Variants in B4GALT6 observed in about 807,000 individuals in gnomAD.
The protein encoded by B4GALT6 is beta-1,4-galactosyltransferase 6, also known as UDP-Gal:beta-GlcNAc beta-1,4-galactosyltransferase 6.
B4GALT6 carries 14 observed loss-of-function variants against 46.3 expected under a neutral mutation model. That is an observed-to-expected ratio of 0.30 (90% CI 0.20 to 0.47). The LOEUF is 0.47. Ranked by LOEUF, B4GALT6 falls within the 20% of genes least tolerant of loss-of-function variation. The pLI is 0.99. For missense variants in B4GALT6, 386 were observed against 480.1 expected (o/e 0.80, Z 1.83); for synonymous variants, 168 against 162.0 (o/e 1.04, Z -0.28).
chr18:31,697,228 T>C, the B4GALT6 span, among the ~76,000 whole-genome samples: 3 of 152,020 alleles, frequency 2.0e-5, no homozygotes. Context: ...ATTGTGCCCC[T>C]GCATTCCAGA....
At chr18:31,701,253 A>ATCTGG in the B4GALT6 span, among the ~76,000 whole-genome samples, 2 of 151,976 alleles carry the variant, frequency 1.3e-5, no homozygotes, top group African/African-American at 4.8e-5. Flanking sequence ...TTATCACAAG[A>ATCTGG]TCTGGTTGTT....
At chr18:31,688,941 G>A (rs2030019845), upstream of B4GALT6, among the ~76,000 whole-genome samples, 1 of 151,954 alleles carries the variant, frequency 6.6e-6, no homozygotes, top group South Asian at 2.1e-4. Context: ...TCATTTTTTA[G>A]AAATAAATAT....
intron 3 of B4GALT6, among the ~76,000 whole-genome samples, chr18:31,654,521 A>ATATGAAAC (rs2074115072): frequency 6.6e-6 from 1 of 152,238 alleles, no homozygotes; most frequent in African/African-American, 2.4e-5. Context: ...CCACTATTGA[A>ATATGAAAC]TATGAAACAC....
chr18:31,654,176 A>T (rs2074110768), intron 3 of B4GALT6, among the ~76,000 whole-genome samples: 1 of 152,232 alleles, frequency 6.6e-6, no homozygotes, highest in Admixed American at 6.5e-5. Flanking sequence ...CTGCAAACGT[A>T]TTCTATTTGA....
rs8090189 is a variant in B4GALT6, at chr18:31,662,982, A to C, written c.232+3274T>G. On this transcript the variant is annotated intron_variant, in intron 2 of 8. Coordinates refer to ENST00000306851, the MANE Select transcript of B4GALT6 (RefSeq NM_004775.5). ...TTATGTATGACAGATGCATTTGGGA[A>C]CCACCACAACTGCTATAAAAGGTAG... Among the ~76,000 whole-genome samples the C allele has an allele frequency of 2.6e-3, 390 of 152,360 alleles. 11 individuals carry two copies. The East Asian group carries it at 0.067, about 26-fold the overall frequency.
At chr18:31,702,097 G>A in the B4GALT6 span, among the ~76,000 whole-genome samples, 1 of 152,108 alleles carries the variant, frequency 6.6e-6, no homozygotes, top group Non-Finnish European at 1.5e-5. Context: ...TTTTGAATAT[G>A]CAAATTAAAA....
At chr18:31,692,361 A>C in the B4GALT6 span, among the ~76,000 whole-genome samples, 1 of 152,190 alleles carries the variant, frequency 6.6e-6, no homozygotes, top group Admixed American at 6.5e-5. Context: ...CATTCTCTTC[A>C]GTACTTCCTA....
chr18:31,691,213 G>A, the B4GALT6 span, among the ~76,000 whole-genome samples: 4 of 149,638 alleles, frequency 2.7e-5, no homozygotes, highest in African/African-American at 1.0e-4. Context: ...TACTATCCTA[G>A]AACCTAGTAC....
rs2073894014 is a variant in B4GALT6 at position 31,638,738 on chromosome 18, C to T, written c.494G>A (p.Arg165His). The change falls in exon 5 of 9, where the codon CGT (arginine) becomes CAT (histidine). Residue 165 changes from arginine to histidine, a missense_variant. Transcript: ENST00000306851. The stretch of plus-strand genomic sequence containing the variant: ...AATTGGAAGATGTTCATGGCGATTA[C>T]GGAAAGGAATGAGAACTGCCACCTT... ...RWKVAVLIPFRNRHEHLPIFF... is the reference protein window; with the variant it reads ...RWKVAVLIPFHNRHEHLPIFF... The T allele has an allele frequency of 9.9e-6, 16 of 1,613,536 alleles. No individual in the cohort carries two copies. Among genetic ancestry groups the T allele is most frequent in the Admixed American group, 3.3e-5 (2 of 59,982 alleles).
chr18:31,692,482 C>A, the B4GALT6 span, among the ~76,000 whole-genome samples: 6 of 152,146 alleles, frequency 3.9e-5, no homozygotes, highest in Admixed American at 3.9e-4. Flanking sequence ...TTTTCATACA[C>A]TTTTGGCTTA....
chr18:31,626,294 C>T lies in B4GALT6; in HGVS notation c.990G>A (p.Gln330=). Residue 330 remains glutamine (Q), a synonymous_variant, in exon 8 of 9, where the codon CAG becomes CAA. Coordinates refer to ENST00000306851, the MANE Select transcript of B4GALT6 (RefSeq NM_004775.5). ...GACATTCAACTTACCGTCCTAAAAA[C>T]TGGACTTCACCTCTATGGTGATGAG... The part of the protein sequence containing the change: ...SIPHHHRGEV[Q]FLGRYKLLRY... 1 of 1,578,248 alleles carries T rather than the reference C, an allele frequency of 6.3e-7. No individual in the cohort carries two copies. Among genetic ancestry groups the T allele is most frequent in the African/African-American group, 1.4e-5 (1 of 73,868 alleles).
chr18:31,712,662 T>C, the B4GALT6 span, among the ~76,000 whole-genome samples: 1 of 152,218 alleles, frequency 6.6e-6, no homozygotes, highest in Non-Finnish European at 1.5e-5. Flanking sequence ...TAGTATCTTT[T>C]AGCAAGAACA....
intron 2 of B4GALT6, among the ~76,000 whole-genome samples, chr18:31,660,998 C>T (rs2074206639): frequency 6.6e-6 from 1 of 152,104 alleles, no homozygotes; most frequent in African/African-American, 2.4e-5. Flanking sequence ...TTTTGGAAAC[C>T]CCCCCTTAGC....
At chr18:31,710,316 A>G in the B4GALT6 span, among the ~76,000 whole-genome samples, 1 of 152,196 alleles carries the variant, frequency 6.6e-6, no homozygotes, top group Non-Finnish European at 1.5e-5. Flanking sequence ...GATATCGGCT[A>G]GATTTCTGCC....
At chr18:31,629,672 A>G (rs1167356278) in intron 6 of B4GALT6, among the ~76,000 whole-genome samples, 7 of 150,022 alleles carry the variant, frequency 4.7e-5, no homozygotes, top group African/African-American at 7.3e-5. Context: ...ACACAGTGAA[A>G]CCCCGTCTCT....
chr18:31,714,007 A>G, the B4GALT6 span, among the ~76,000 whole-genome samples: 4 of 152,236 alleles, frequency 2.6e-5, no homozygotes, highest in East Asian at 1.9e-4. Flanking sequence ...TGCAAACTAA[A>G]TATGTCTATG....
rs377500778 is a variant in B4GALT6 at position 31,625,575 on chromosome 18, C to G, written c.*39G>C. On this transcript the variant is annotated 3_prime_UTR_variant, in exon 9 of 9. Coordinates refer to ENST00000306851, the MANE Select transcript of B4GALT6 (RefSeq NM_004775.5). ...TAAGAGCGCGCTCCAAGTTTATGAT[C>G]CAGCATTGTGGTCTACCTTGCCACG... is the stretch of plus-strand genomic sequence containing the variant. 2 of 1,609,612 alleles carry G rather than the reference C, an allele frequency of 1.2e-6. No individual in the cohort carries two copies. The highest frequency in any genetic ancestry group is 1.3e-5 in the African/African-American group (1 of 74,552).
chr18:31,695,291 T>TAAA, the B4GALT6 span, among the ~76,000 whole-genome samples: 6 of 144,462 alleles, frequency 4.2e-5, no homozygotes, highest in East Asian at 8.0e-4. Context: ...TCCCTGAAAT[T>TAAA]AAAAAAAAAA....
In B4GALT6 at chr18:31,684,493, C is replaced by G. The variant is rs917550780; in HGVS notation, c.-67G>C. The G allele has an allele frequency of 3.2e-6, 5 of 1,573,356 alleles. No homozygotes were observed. Among genetic ancestry groups the G allele is most frequent in the Non-Finnish European group, 4.3e-6 (5 of 1,160,372 alleles). ...CGGACTCGGGGCCACTGTCCAGGCC[C>G]TAAACTTCCATAAATGTGCTGAGAA... On this transcript the variant is annotated 5_prime_UTR_variant, in exon 1 of 9. It removes the in-frame stop codon of an upstream open reading frame in the 5' UTR. Transcript: ENST00000306851.
Sources: gnomAD v4.1 joint callset for allele counts (sites outside exome capture counted in the v4.1 genomes callset) on GRCh38, gnomAD v4.1.1 for gene constraint, MANE v1.5 for transcripts, NCBI Gene and HGNC (gene_info 2026-07-23, HGNC 2026-07-21) for gene names.